Variants in CPEB1 observed in about 807,000 individuals in gnomAD.
CPEB1 encodes cytoplasmic polyadenylation element-binding protein 1.
In CPEB1, 7 loss-of-function variants were observed where a neutral mutation model predicts 65.8. That is an observed-to-expected ratio of 0.11 (90% CI 0.06 to 0.20). CPEB1 has a LOEUF of 0.20. CPEB1 is among the 10% of genes least tolerant of loss of function. CPEB1 has a pLI of 1.00. For missense variants in CPEB1, 551 were observed against 712.2 expected (o/e 0.77, Z 2.58); for synonymous variants, 262 against 260.0 (o/e 1.01, Z -0.08).
rs115040159 is a variant in CPEB1 at position 82,576,615 on chromosome 15, T to C, written c.272-5083A>G. ...GGTATTACAGGTGTTCACTTTGTAA[T>C]TCTTTTAGCTTTTATGTATGCTTGA... On this transcript the variant is annotated intron_variant, in intron 3 of 12. Coordinates refer to ENST00000684509, the MANE Select transcript of CPEB1 (RefSeq NM_001365242.1). Among the ~76,000 whole-genome samples, 1,359 of 152,354 alleles carry C rather than the reference T, an allele frequency of 8.9e-3. 23 individuals are homozygous for C. The highest frequency in any genetic ancestry group is 0.031 in the African/African-American group (1,294 of 41,568).
chr15:82,548,102 C>CA (rs2035588118), intron 10 of CPEB1, among the ~76,000 whole-genome samples: 2 of 152,166 alleles, frequency 1.3e-5, no homozygotes, highest in South Asian at 4.2e-4. Context: ...TTTGGGAGGC[C>CA]AAGGTGGGCG....
rs890850669 is a variant in CPEB1, at chr15:82,569,872, A to T, written c.460+1472T>A. 2.0e-5 allele frequency among the ~76,000 whole-genome samples: 3 copies of T among 152,194 alleles called. No individual in the cohort carries two copies. The East Asian group carries it at 5.8e-4, about 29-fold the overall frequency. ...CTATCTTTTGCTCAGATACGGTGGA[A>T]GTGAGGACAGGGGAGGCTGGCTTCA... On this transcript the variant is annotated intron_variant, in intron 4 of 12. Coordinates refer to ENST00000684509, the MANE Select transcript of CPEB1 (RefSeq NM_001365242.1).
At chr15:82,627,806 A>G (rs1421511502) in intron 2 of CPEB1, among the ~76,000 whole-genome samples, 2 of 152,220 alleles carry the variant, frequency 1.3e-5, no homozygotes, top group African/African-American at 4.8e-5. Context: ...AATTGGTTCA[A>G]TTGATATTTT....
chr15:82,578,772 C>A (rs557816422), intron 3 of CPEB1, among the ~76,000 whole-genome samples: 188 of 151,826 alleles, frequency 1.2e-3, no homozygotes, highest in Non-Finnish European at 1.7e-3. Context: ...AACAAACAAA[C>A]AAAAAAAACC....
chr15:82,549,791 C>A, intron 9 of CPEB1, 133 bp from the exon 10 acceptor site: 1 of 826,378 alleles, frequency 1.2e-6, no homozygotes, highest in Non-Finnish European at 1.9e-6. Context: ...GGTGCTGTTG[C>A]CCAATCTCAG....
intron 3 of CPEB1, among the ~76,000 whole-genome samples, chr15:82,615,516 C>G (rs2044626800): frequency 6.6e-6 from 1 of 152,148 alleles, no homozygotes; most frequent in Non-Finnish European, 1.5e-5. Flanking sequence ...CAAGAAACAG[C>G]AGACAGAATG....
chr15:82,600,063 T>A (rs2151187403), intron 3 of CPEB1, among the ~76,000 whole-genome samples: 1 of 152,156 alleles, frequency 6.6e-6, no homozygotes. Flanking sequence ...TAATGAAAGA[T>A]ACCAGTCTAT....
chr15:82,580,849 C>CTTTTTTTTTTTTTTTTTTTTT (rs113794355), intron 3 of CPEB1, among the ~76,000 whole-genome samples: 1 of 147,230 alleles, frequency 6.8e-6, no homozygotes, highest in Non-Finnish European at 1.5e-5. Flanking sequence ...TCCCCAATTT[C>CTTTTTTTTTTTTTTTTTTTTT]TTTTTTTTTT....
At chr15:82,601,590 AT>A (rs1329533599) in intron 3 of CPEB1, among the ~76,000 whole-genome samples, 1 of 152,146 alleles carries the variant, frequency 6.6e-6, no homozygotes, top group African/African-American at 2.4e-5. Flanking sequence ...ATAAATAAAG[AT>A]TTGCAGAATG....
chr15:82,588,545 T>C (rs1409380932), intron 3 of CPEB1, among the ~76,000 whole-genome samples: 1 of 152,208 alleles, frequency 6.6e-6, no homozygotes, highest in East Asian at 1.9e-4. Context: ...GTCCATTCCA[T>C]GAACATGATG....
intron 4 of CPEB1, among the ~76,000 whole-genome samples, chr15:82,565,050 C>T (rs185039867): frequency 6.6e-6 from 1 of 152,282 alleles, no homozygotes; most frequent in East Asian, 1.9e-4. Flanking sequence ...CAGTTTCCTG[C>T]AAATATTAAA....
At chr15:82,586,301 A>G (rs2041796263) in intron 3 of CPEB1, among the ~76,000 whole-genome samples, 1 of 151,848 alleles carries the variant, frequency 6.6e-6, no homozygotes, top group Admixed American at 6.6e-5. Context: ...GCCCTCTTTA[A>G]GAATGAGTTC....
intron 4 of CPEB1, among the ~76,000 whole-genome samples, chr15:82,563,962 C>G (rs1206465027): frequency 1.3e-5 from 2 of 152,046 alleles, no homozygotes; most frequent in Non-Finnish European, 2.9e-5. Context: ...GAGGATAAGA[C>G]AGTAATTGAG....
intron 3 of CPEB1, among the ~76,000 whole-genome samples, chr15:82,580,609 T>C (rs1164382473): frequency 1.3e-5 from 2 of 152,182 alleles, no homozygotes; most frequent in East Asian, 1.9e-4. Flanking sequence ...CAAGCATCAC[T>C]ACTCTTCACC....
intron 3 of CPEB1, among the ~76,000 whole-genome samples, chr15:82,594,759 C>A (rs1031781348): frequency 2.0e-5 from 3 of 152,280 alleles, no homozygotes; most frequent in Middle Eastern, 3.4e-3. Context: ...TAAACTGAGA[C>A]ACATGTGACT....
chr15:82,585,747 TC>T (rs556813679), intron 3 of CPEB1, among the ~76,000 whole-genome samples: 1 of 152,208 alleles, frequency 6.6e-6, no homozygotes, highest in Non-Finnish European at 1.5e-5. Context: ...CACTTTCACA[TC>T]TCGGCAGCGT....
At chr15:82,588,007 T>C (rs960870221) in intron 3 of CPEB1, among the ~76,000 whole-genome samples, 4 of 152,088 alleles carry the variant, frequency 2.6e-5, no homozygotes, top group Non-Finnish European at 5.9e-5. Context: ...CTGCACCCTC[T>C]GCCTCCCAGG....
At chr15:82,564,455 TTG>T (rs57077636) in intron 4 of CPEB1, among the ~76,000 whole-genome samples, 74 of 151,520 alleles carry the variant, frequency 4.9e-4, no homozygotes, top group African/African-American at 1.8e-3. Context: ...CCGGCTAATT[TTG>T]TGTGTGTGTG....
At chr15:82,590,518 T>C (rs2042163724) in intron 3 of CPEB1, among the ~76,000 whole-genome samples, 3 of 151,960 alleles carry the variant, frequency 2.0e-5, no homozygotes, top group Non-Finnish European at 4.4e-5. Context: ...CTCTGGGGAT[T>C]TTTTTTTAAG....
Sources: allele counts gnomAD v4.1 joint callset (sites outside exome capture counted in the v4.1 genomes callset), GRCh38; gene constraint gnomAD v4.1.1; transcripts MANE v1.5; gene names NCBI Gene and HGNC (gene_info 2026-07-23, HGNC 2026-07-21).